Variants in MAGI2 observed in about 807,000 individuals in gnomAD.
MAGI2 encodes the protein membrane associated guanylate kinase, WW and PDZ domain containing 2, also known as membrane-associated guanylate kinase, WW and PDZ domain-containing protein 2.
Under a neutral mutation model 133.3 loss-of-function variants are expected in MAGI2, and 35 were observed. The observed-to-expected ratio is 0.26, with a 90% confidence interval of 0.20 to 0.35. The LOEUF is 0.35. Ranked by LOEUF, MAGI2 falls within the 10% of genes least tolerant of loss-of-function variation. The probability of loss-of-function intolerance (pLI) is 1.00; values close to 1 mark genes in which losing one functional copy is unlikely to be tolerated. For synonymous variants in MAGI2, 729 were observed against 710.6 expected (o/e 1.03, Z -0.41); for missense variants, 1,636 against 1,863.4 (o/e 0.88, Z 2.25).
At chr7:78,348,419 T>C (rs539034728) in intron 7 of MAGI2, 32 of 152,308 alleles carry the variant, frequency 2.1e-4, no homozygotes, top group African/African-American at 7.5e-4. Flanking sequence ...GTTGTTATTT[T>C]TTTGAGGTAC....
At chr7:79,133,314 C>T (rs7789016) in intron 1 of MAGI2, among the ~76,000 whole-genome samples, 107,280 of 152,114 alleles carry the variant, frequency 0.71, 39,594 homozygotes, top group Non-Finnish European at 0.82. Context: ...CCATCATGAG[C>T]TGACTTTTTT....
intron 1 of MAGI2, among the ~76,000 whole-genome samples, chr7:79,299,687 G>T (rs529510975): frequency 1.3e-5 from 2 of 151,122 alleles, no homozygotes; most frequent in Non-Finnish European, 2.9e-5. Flanking sequence ...CACAAAAAAC[G>T]ATAATTGATC....
At chr7:78,478,324 T>C (rs1178472785) in intron 6 of MAGI2, among the ~76,000 whole-genome samples, 1 of 151,984 alleles carries the variant, frequency 6.6e-6, no homozygotes, top group Non-Finnish European at 1.5e-5. Context: ...AACATGTTTT[T>C]AGGCCTTAAT....
At chr7:78,821,715 TCAAA>T (rs763139449) in intron 2 of MAGI2, among the ~76,000 whole-genome samples, 91 of 152,160 alleles carry the variant, frequency 6.0e-4, no homozygotes, top group African/African-American at 1.8e-3. Context: ...CTCTCTAATG[TCAAA>T]CAGTTATTCT....
At chr7:78,495,639 C>G (rs908106295) in intron 5 of MAGI2, among the ~76,000 whole-genome samples, 1 of 152,138 alleles carries the variant, frequency 6.6e-6, no homozygotes, top group Non-Finnish European at 1.5e-5. Context: ...AGGTAATACA[C>G]AAATAAAGCT....
chr7:79,057,868 C>G (rs1351275111), intron 1 of MAGI2, among the ~76,000 whole-genome samples: 1 of 151,630 alleles, frequency 6.6e-6, no homozygotes, highest in Non-Finnish European at 1.5e-5. Context: ...GATAAGATCT[C>G]CACTTCCATT....
chr7:79,269,803 C>A (rs1159690888), intron 1 of MAGI2, among the ~76,000 whole-genome samples: 2 of 152,036 alleles, frequency 1.3e-5, no homozygotes, highest in East Asian at 3.9e-4. Flanking sequence ...TGATAATAGC[C>A]CTTCTTTAAA....
Position 79,033,815 on chromosome 7 carries a change from G to A in MAGI2, c.302-26609C>T, listed in dbSNP as rs536362699. ...ATAAGGTTCAATCCAGTGGTAGTGG[G>A]TGAAGTGGTTAACACTGTAAATAAA... On this transcript the variant is annotated intron_variant, in intron 1 of 21. Transcript: ENST00000354212. Among the ~76,000 whole-genome samples the A allele has an allele frequency of 4.6e-5, 7 of 152,240 alleles. No homozygotes were observed. In the South Asian group the frequency reaches 1.2e-3, roughly 27 times the overall value.
chr7:78,315,876 G>A (rs1432612430), intron 9 of MAGI2, among the ~76,000 whole-genome samples: 2 of 151,778 alleles, frequency 1.3e-5, no homozygotes, highest in South Asian at 2.1e-4. Context: ...TTTGTCTCTC[G>A]GTCATTTTCT....
In MAGI2 at chr7:79,094,310, T is replaced by C. The variant is rs566673771; in HGVS notation, c.302-87104A>G. Among the ~76,000 whole-genome samples the C allele has an allele frequency of 3.3e-5, 5 of 152,328 alleles. No homozygotes were observed. In the East Asian group the frequency reaches 9.7e-4, roughly 29 times the overall value. On this transcript the variant is annotated intron_variant, in intron 1 of 21. Coordinates refer to ENST00000354212, the MANE Select transcript of MAGI2 (RefSeq NM_012301.4). ...CTCTTCCTTCATTGAAGTTTTATCA[T>C]GAGATTGCAGCAAGCAGTCACATCT...
At chr7:79,398,777 A>T (rs1316491390) in intron 1 of MAGI2, among the ~76,000 whole-genome samples, 1 of 152,096 alleles carries the variant, frequency 6.6e-6, no homozygotes, top group African/African-American at 2.4e-5. Context: ...AGATTATCTA[A>T]TTTTTTTCTT....
Position 79,453,515 on chromosome 7 carries a change from T to A in MAGI2, c.-195A>T, listed in dbSNP as rs1479047598. The A allele has an allele frequency of 1.0e-5, 14 of 1,392,168 alleles. No individual in the cohort carries two copies. 86.2% of individuals were successfully genotyped at this position (1,392,168 alleles called of 1,614,324 possible). A position where few individuals can be genotyped will look rare whatever the true frequency, so the allele number is the denominator to read the frequency against. On this transcript the variant is annotated 5_prime_UTR_variant, in exon 1 of 22. Transcript: ENST00000354212. ...GAATGGGGAGGATGAGAGGGACGGC[T>A]GGGCAGAGGTAGGAGAGCTTGGATG...
At chr7:79,092,848 C>T (rs1430550959) in intron 1 of MAGI2, among the ~76,000 whole-genome samples, 2 of 152,120 alleles carry the variant, frequency 1.3e-5, no homozygotes, top group Non-Finnish European at 2.9e-5. Flanking sequence ...ATGTCTTCAG[C>T]CACTCCTCTT....
chr7:78,294,499 C>G (rs1797033866), intron 9 of MAGI2, among the ~76,000 whole-genome samples: 2 of 152,084 alleles, frequency 1.3e-5, no homozygotes, highest in Non-Finnish European at 2.9e-5. Context: ...GTATGAGAGT[C>G]TAGCACTGTA....
At chr7:78,311,858 C>T (rs1437454494) in intron 9 of MAGI2, among the ~76,000 whole-genome samples, 1 of 151,674 alleles carries the variant, frequency 6.6e-6, no homozygotes, top group Non-Finnish European at 1.5e-5. Context: ...GCAACCTCTG[C>T]CTCCCGGATT....
intron 6 of MAGI2, among the ~76,000 whole-genome samples, chr7:78,483,132 G>A (rs2150466716): frequency 6.6e-6 from 1 of 151,714 alleles, no homozygotes; most frequent in East Asian, 2.0e-4. Context: ...GGCAAGTGAG[G>A]GGTGTCTAAA....
intron 1 of MAGI2, among the ~76,000 whole-genome samples, chr7:79,017,410 A>G (rs1318983134): frequency 6.6e-6 from 1 of 152,194 alleles, no homozygotes; most frequent in Non-Finnish European, 1.5e-5. Context: ...AAGGACATCA[A>G]ATAGGATAGA....
intron 2 of MAGI2, among the ~76,000 whole-genome samples, chr7:79,005,942 T>C (rs1329745205): frequency 2.0e-5 from 3 of 152,156 alleles, no homozygotes; most frequent in Non-Finnish European, 4.4e-5. Flanking sequence ...TCATCAAGTA[T>C]TCTCATTTAG....
chr7:78,933,654 A>T (rs1800302421), intron 2 of MAGI2, among the ~76,000 whole-genome samples: 1 of 152,170 alleles, frequency 6.6e-6, no homozygotes, highest in Non-Finnish European at 1.5e-5. Context: ...TGATCATGAT[A>T]ATAGTAATGT....
Sources: allele counts gnomAD v4.1 joint callset (sites outside exome capture counted in the v4.1 genomes callset), GRCh38; gene constraint gnomAD v4.1.1; transcripts MANE v1.5; gene names NCBI Gene and HGNC (gene_info 2026-07-23, HGNC 2026-07-21).